CLEC9A: variants seen among roughly 807,000 people sequenced by gnomAD.
CLEC9A encodes C-type lectin domain family 9 member A.
CLEC9A carries 24 observed loss-of-function variants against 30.0 expected under a neutral mutation model. The ratio of observed to expected loss-of-function variants is 0.80; its 90% CI spans 0.58 to 1.13. The LOEUF is 1.13. Among genes scored for constraint, CLEC9A ranks in the 50% most tolerant of loss-of-function variants. The pLI is 0.00. For synonymous variants in CLEC9A, 111 were observed against 96.8 expected (o/e 1.15, Z -0.86); for missense variants, 251 against 280.9 (o/e 0.89, Z 0.76).
chr12:10,061,046 ACTTGT>A, intron 5 of CLEC9A, 76 bp from the exon 6 acceptor site: 1 of 1,455,428 alleles, frequency 6.9e-7, no homozygotes, highest in South Asian at 1.4e-5. Flanking sequence ...AGTAATTTGT[ACTTGT>A]CTTTAGTCTG....
At chr12:10,040,611 C>A (rs558970989) in intron 1 of CLEC9A, among the ~76,000 whole-genome samples, 1 of 151,838 alleles carries the variant, frequency 6.6e-6, no homozygotes, top group East Asian at 2.0e-4. Flanking sequence ...CCACCACACC[C>A]GGCTAATTTT....
chr12:10,037,281 G>A (rs533786469), intron 1 of CLEC9A, among the ~76,000 whole-genome samples: 10 of 152,158 alleles, frequency 6.6e-5, no homozygotes, highest in Admixed American at 2.0e-4. Flanking sequence ...GGAATAGGGC[G>A]GGCTCACTGA....
intron 1 of CLEC9A, among the ~76,000 whole-genome samples, chr12:10,032,389 C>CTTTTTTTTT (rs10647036): frequency 8.5e-6 from 1 of 117,252 alleles, no homozygotes; most frequent in African/African-American, 3.2e-5. Context: ...TTAGGGATTT[C>CTTTTTTTTT]TTTTTTTTTT....
intron 2 of CLEC9A, among the ~76,000 whole-genome samples, chr12:10,051,738 G>T (rs150030765): frequency 6.6e-6 from 1 of 152,312 alleles, no homozygotes; most frequent in East Asian, 1.9e-4. Context: ...AATGATGAAT[G>T]ATGATTAAAG....
intron 5 of CLEC9A, among the ~76,000 whole-genome samples, chr12:10,056,983 T>C (rs1865949328): frequency 6.6e-6 from 1 of 152,264 alleles, no homozygotes; most frequent in South Asian, 2.1e-4. Flanking sequence ...GCTTTTGTTC[T>C]AGTGACTATT....
intron 1 of CLEC9A, among the ~76,000 whole-genome samples, chr12:10,034,602 G>GA (rs1361900944): frequency 1.3e-5 from 2 of 152,122 alleles, no homozygotes; most frequent in Non-Finnish European, 2.9e-5. Flanking sequence ...TTAGTCCCCA[G>GA]AAAATAGAAA....
rs184087754 is a variant in CLEC9A at position 10,054,345 on chromosome 12, G to A, written c.166G>A (p.Val56Ile). Residue 56 changes from valine (V) to isoleucine (I), a missense_variant, in exon 5 of 9, where the codon GTC becomes ATC. By Grantham distance (29) the Val-to-Ile change is conservative (BLOSUM62 3). Transcript: ENST00000355819. ...ATTAACAGCATCCATTTTCTTGGGCGTCAAGTGTAAGTACTAAAAGATATT... is the reference window on the plus strand; with the variant it reads ...ATTAACAGCATCCATTTTCTTGGGCATCAAGTGTAAGTACTAAAAGATATT... ...GLLTASIFLG[V>I]KLLQVSTIAM... 4.8e-5 allele frequency: 77 copies of A among 1,606,924 alleles called. No individual in the cohort carries two copies. In the East Asian group the frequency reaches 9.8e-4, roughly 21 times the overall value.
chr12:10,046,699 A>G (rs1393048414), intron 2 of CLEC9A, among the ~76,000 whole-genome samples: 2 of 152,224 alleles, frequency 1.3e-5, no homozygotes, highest in Non-Finnish European at 2.9e-5. Flanking sequence ...TGGTTAAAAC[A>G]TGGAGATGTT....
At chr12:10,041,303 T>C (rs1230961820) in intron 1 of CLEC9A, among the ~76,000 whole-genome samples, 163 bp from the exon 2 acceptor site, 3 of 152,096 alleles carry the variant, frequency 2.0e-5, no homozygotes, top group African/African-American at 7.2e-5. Context: ...AGGGCACTTT[T>C]AGTAGGTATT....
In CLEC9A at chr12:10,033,854, G is replaced by A. The variant is rs11053563; in HGVS notation, c.-318+2882G>A. Among the ~76,000 whole-genome samples, 101 of 152,096 alleles carry A rather than the reference G, an allele frequency of 6.6e-4. 4 individuals carry two copies. The East Asian group carries it at 0.019, about 29-fold the overall frequency. On this transcript the variant is annotated intron_variant, in intron 1 of 8. Transcript: ENST00000355819. ...ATAGTACCCAGAGAATGGCCAGAAT[G>A]ACAATTAATTCAGAATTATTTACAA...
chr12:10,036,498 G>T (rs1408978534), intron 1 of CLEC9A, among the ~76,000 whole-genome samples: 1 of 152,146 alleles, frequency 6.6e-6, no homozygotes, highest in Non-Finnish European at 1.5e-5. Flanking sequence ...GAAAAGCTAT[G>T]ACCAATTACA....
rs1865686448 is a variant in CLEC9A, at chr12:10,030,725, T to G, written c.-565T>G. On this transcript the variant is annotated 5_prime_UTR_variant, in exon 1 of 9. Transcript: ENST00000355819. ...CTGTGGTGAAGTTGAAATGCTTTTC[T>G]GCTAGACTGGCAACATGTTTTGATT... is the stretch of plus-strand genomic sequence containing the variant. 6.6e-6 allele frequency: 1 copy of G among 152,256 alleles called. No homozygotes were observed. Among genetic ancestry groups the G allele is most frequent in the African/African-American group, 2.4e-5 (1 of 41,452 alleles). 9.4% of individuals were successfully genotyped at this position (152,256 alleles called of 1,614,324 possible). A position where few individuals can be genotyped will look rare whatever the true frequency, so the allele number is the denominator to read the frequency against.
At chr12:10,064,104 G>A (rs1388851669) in intron 7 of CLEC9A, among the ~76,000 whole-genome samples, 2 of 152,074 alleles carry the variant, frequency 1.3e-5, no homozygotes, top group African/African-American at 4.8e-5. Flanking sequence ...ATGCAAAATT[G>A]CACATTTTTG....
At chr12:10,043,174 G>T in intron 2 of CLEC9A, 1 of 399,442 alleles carries the variant, frequency 2.5e-6, no homozygotes, top group South Asian at 1.8e-5. Flanking sequence ...CAACAGCTGT[G>T]GAGGGATTCT....
chr12:10,064,920 C>T (rs753260189), intron 8 of CLEC9A, 67 bp downstream of exon 8: 21 of 1,530,786 alleles, frequency 1.4e-5, no homozygotes, highest in Non-Finnish European at 1.7e-5. Context: ...GTTTATTTCA[C>T]CTTGTACCAT....
chr12:10,065,721 AC>A lies in CLEC9A; in HGVS notation c.*90del. 1.4e-6 allele frequency: 2 copies of A among 1,478,688 alleles called. No homozygotes were observed. Among genetic ancestry groups the A allele is most frequent in the Non-Finnish European group, 1.8e-6 (2 of 1,088,110 alleles). The allele number at this position is 1,478,688 out of a possible 1,614,324, so 91.6% of individuals were successfully genotyped here. ...CCCCACCCCCCCTCAAAAAAACAGA[AC>A]AGTAAACCAAAATGTGGGCCATGAA... On this transcript the variant is annotated 3_prime_UTR_variant, in exon 9 of 9. Transcript: ENST00000355819.
intron 2 of CLEC9A, among the ~76,000 whole-genome samples, chr12:10,046,190 A>G (rs1865844414): frequency 6.6e-6 from 1 of 152,238 alleles, no homozygotes; most frequent in East Asian, 1.9e-4. Context: ...ACAGTTCTAC[A>G]ACTTAAAATA....
At chr12:10,038,762 C>T (rs371544937) in intron 1 of CLEC9A, among the ~76,000 whole-genome samples, 17 of 152,308 alleles carry the variant, frequency 1.1e-4, no homozygotes, top group African/African-American at 3.9e-4. Context: ...CTTAAAAGCT[C>T]ATTTCATAAA....
chr12:10,037,933 G>T (rs1865757419), intron 1 of CLEC9A, among the ~76,000 whole-genome samples: 1 of 151,980 alleles, frequency 6.6e-6, no homozygotes, highest in Non-Finnish European at 1.5e-5. Context: ...GAGTGGGGAA[G>T]ATGTCTTAAA....
Sources: allele counts gnomAD v4.1 joint callset (sites outside exome capture counted in the v4.1 genomes callset), GRCh38; gene constraint gnomAD v4.1.1; transcripts MANE v1.5; gene names NCBI Gene and HGNC (gene_info 2026-07-23, HGNC 2026-07-21).